The following LRPPRC variants were observed in gnomAD, a reference collection of about 807,000 sequenced individuals.
LRPPRC encodes the protein leucine-rich PPR motif-containing protein, mitochondrial.
Under a neutral mutation model 180.3 loss-of-function variants are expected in LRPPRC, and 120 were observed. The observed-to-expected ratio is 0.67, with a 90% CI of 0.57 to 0.77. LRPPRC has a LOEUF of 0.77. Ranked by LOEUF, LRPPRC falls within the 30% of genes least tolerant of loss-of-function variation. LRPPRC has a pLI of 0.00. For missense variants in LRPPRC, 2,012 were observed against 1,657.2 expected (o/e 1.21, Z -3.72); for synonymous variants, 723 against 600.0 (o/e 1.21, Z -3.00).
intron 31 of LRPPRC, chr2:43,904,714 AAAAAAC>A (rs1170397134): frequency 8.8e-5 from 13 of 147,038 alleles, no homozygotes; most frequent in African/African-American, 1.2e-4. Flanking sequence ...AAACAAAAAA[AAAAAAC>A]AAAACAAAAA....
chr2:43,943,901 T>G lies in LRPPRC; in HGVS notation c.2297-7A>C. 3 of 1,599,338 alleles carry G rather than the reference T, an allele frequency of 1.9e-6. No individual in the cohort carries two copies. The highest frequency in any genetic ancestry group is 2.6e-6 in the Non-Finnish European group (3 of 1,166,794). On this transcript the variant is annotated splice_polypyrimidine_tract_variant and splice_region_variant and intron_variant, in intron 22 of 37. Transcript: ENST00000260665. ...TTCAGAATGTTAATAGCATCTACAA[T>G]GAAGTAACACAAAAGACCCTTAGGT...
At chr2:43,902,567 A>C (rs937331093) in intron 31 of LRPPRC, 2 of 152,192 alleles carry the variant, frequency 1.3e-5, no homozygotes, top group African/African-American at 4.8e-5. Flanking sequence ...TTAATGAATA[A>C]AGAATTTATG....
chr2:43,939,570 A>G (rs1289076577), intron 23 of LRPPRC, among the ~76,000 whole-genome samples: 2 of 152,232 alleles, frequency 1.3e-5, no homozygotes, highest in African/African-American at 2.4e-5. Flanking sequence ...GCAGATGTTC[A>G]ATATGGGAAG....
intron 1 of LRPPRC, among the ~76,000 whole-genome samples, chr2:43,987,552 T>C (rs1674584414): frequency 1.3e-5 from 2 of 150,684 alleles, no homozygotes; most frequent in Admixed American, 6.6e-5. Flanking sequence ...CAACCAACCA[T>C]TCCACTAATA....
At chr2:43,950,434 T>A in intron 15 of LRPPRC, 139 bp downstream of exon 15, 1 of 740,344 alleles carries the variant, frequency 1.4e-6, no homozygotes, top group South Asian at 1.5e-5. Context: ...ATAACTATTA[T>A]TTTTCAACAT....
intron 1 of LRPPRC, among the ~76,000 whole-genome samples, chr2:43,992,044 CA>C (rs1489051531): frequency 6.6e-6 from 1 of 152,232 alleles, no homozygotes; most frequent in Non-Finnish European, 1.5e-5. Flanking sequence ...TATCTGCCTT[CA>C]AGCAACTTAC....
intron 4 of LRPPRC, 33 bp from the exon 5 acceptor site, chr2:43,977,085 A>T (rs1260074489): frequency 1.2e-6 from 2 of 1,609,950 alleles, no homozygotes; most frequent in Non-Finnish European, 1.7e-6. Flanking sequence ...AATTTTAAAT[A>T]TACTTTTTTT....
intron 27 of LRPPRC, among the ~76,000 whole-genome samples, chr2:43,921,642 AC>A (rs1671703514): frequency 6.6e-6 from 1 of 152,190 alleles, no homozygotes; most frequent in Admixed American, 6.6e-5. Context: ...TCACAAAGTT[AC>A]GTCTGAGATA....
Position 43,995,691 on chromosome 2 carries a change from C to G in LRPPRC, c.149+108G>C, listed in dbSNP as rs1675020624. 4 of 1,090,034 alleles carry G rather than the reference C, an allele frequency of 3.7e-6. No homozygotes were observed. The East Asian group carries it at 9.7e-5, about 27-fold the overall frequency. The allele number at this position is 1,090,034 out of a possible 1,614,324, so 67.5% of individuals were successfully genotyped here. A position where few individuals can be genotyped will look rare whatever the true frequency, so the allele number is the denominator to read the frequency against. On this transcript the variant is annotated intron_variant, in intron 1 of 37. Transcript: ENST00000260665. Reference sequence around the variant, plus strand: ...AGCCCGGGGAGGCTAGGTCCTGGGGCGGGGAGAAGGGTGGCGAGCACAGGC... The same window carrying G: ...AGCCCGGGGAGGCTAGGTCCTGGGGGGGGGAGAAGGGTGGCGAGCACAGGC...
chr2:43,901,218 G>A (rs1670870714), intron 32 of LRPPRC, 102 bp downstream of exon 32: 2 of 786,612 alleles, frequency 2.5e-6, no homozygotes, highest in Non-Finnish European at 4.4e-6. Context: ...CTCTGCAGTT[G>A]ATAAGGTTTC....
intron 23 of LRPPRC, among the ~76,000 whole-genome samples, chr2:43,942,935 TTAAAC>T (rs1481489268): frequency 1.3e-5 from 2 of 152,124 alleles, no homozygotes; most frequent in African/African-American, 4.8e-5. Flanking sequence ...CTAGGGTTGT[TTAAAC>T]TAATTTGCCA....
intron 30 of LRPPRC, among the ~76,000 whole-genome samples, chr2:43,908,669 G>A (rs1671147915): frequency 6.6e-6 from 1 of 151,986 alleles, no homozygotes; most frequent in African/African-American, 2.4e-5. Flanking sequence ...TTACATACAG[G>A]CACGCACCAC....
In LRPPRC at chr2:43,973,712, A is replaced by T; in HGVS notation, c.1264T>A (p.Leu422Met). 6.2e-7 allele frequency: 1 copy of T among 1,611,356 alleles called. No individual in the cohort carries two copies. Among genetic ancestry groups the T allele is most frequent in the Non-Finnish European group, 8.5e-7 (1 of 1,177,436 alleles). ...HCALLANKTD[L>M]AKALMKAVKE... ...ACAGCCTTCATTAAGGCTTTTGCCA[A>T]ATCTGAAAGAGATATCATAAAAGAT... Residue 422 changes from leucine (L) to methionine (M), a missense_variant and splice_region_variant, in exon 11 of 38, where the codon TTG becomes ATG. Physicochemically the swap from Leu to Met is conservative, Grantham distance 15. Coordinates refer to ENST00000260665, the MANE Select transcript of LRPPRC (RefSeq NM_133259.4).
chr2:43,921,467 A>G (rs1442196511), intron 27 of LRPPRC, among the ~76,000 whole-genome samples: 1 of 152,220 alleles, frequency 6.6e-6, no homozygotes, highest in Non-Finnish European at 1.5e-5. Context: ...AGTAAAACAA[A>G]AAGAAGCCAC....
At chr2:43,905,902 A>G (rs1015835122) in intron 30 of LRPPRC, 122 bp from the exon 31 acceptor site, 14 of 754,944 alleles carry the variant, frequency 1.9e-5, no homozygotes, top group South Asian at 2.9e-5. Flanking sequence ...TTGCTGCAAA[A>G]TATCGACCTG....
chr2:43,907,538 G>A (rs1423254053), intron 30 of LRPPRC, among the ~76,000 whole-genome samples: 1 of 151,382 alleles, frequency 6.6e-6, no homozygotes, highest in Admixed American at 6.6e-5. Flanking sequence ...TAACCCTATT[G>A]GCTGTCCAAT....
At chr2:43,980,100 CA>C (rs1199319597) in intron 2 of LRPPRC, 152 bp from the exon 3 acceptor site, 1 of 718,796 alleles carries the variant, frequency 1.4e-6, no homozygotes, top group East Asian at 2.7e-5. Flanking sequence ...TCCTAATGTA[CA>C]GTGTTACTAA....
At chr2:43,980,343 C>T (rs1218628719) in intron 2 of LRPPRC, among the ~76,000 whole-genome samples, 2 of 152,034 alleles carry the variant, frequency 1.3e-5, no homozygotes, top group East Asian at 1.9e-4. Context: ...CACCTGAGGT[C>T]GGGAGTTTGA....
chr2:43,925,075 T>G lies in LRPPRC; in HGVS notation c.2888A>C (p.Lys963Thr), dbSNP rs1467205613. ...DRDQMYYNLL[K>T]LYKINGDWQR... ...ATAGTTAAATCACTTACTATACAGT[T>G]TTAGCAGATTGTAGTACATCTGGTC... is the stretch of plus-strand genomic sequence containing the variant. The change falls in exon 27 of 38, where the codon AAA becomes ACA. Residue 963 changes from lysine (K) to threonine (T), a missense_variant. By Grantham distance (78) the Lys-to-Thr change is moderately conservative (BLOSUM62 -1). Coordinates refer to ENST00000260665, the MANE Select transcript of LRPPRC (RefSeq NM_133259.4). 6.5e-7 allele frequency: 1 copy of G among 1,528,772 alleles called. No homozygotes were observed. The highest frequency in any genetic ancestry group is 2.2e-5 in the East Asian group (1 of 44,464). The allele number at this position is 1,528,772 out of a possible 1,614,324, so 94.7% of individuals were successfully genotyped here. A position where few individuals can be genotyped will look rare whatever the true frequency, so the allele number is the denominator to read the frequency against.
Sources: allele counts gnomAD v4.1 joint callset (sites outside exome capture counted in the v4.1 genomes callset), GRCh38; gene constraint gnomAD v4.1.1; transcripts MANE v1.5; gene names NCBI Gene and HGNC (gene_info 2026-07-23, HGNC 2026-07-21).